Variants in ENTREP2 observed in about 807,000 individuals in gnomAD.
ENTREP2 encodes endosomal transmembrane epsin interactor 2.
the ENTREP2 span, chr15:29,252,415 A>G: frequency 6.4e-7 from 1 of 1,551,214 alleles, no homozygotes; most frequent in East Asian, 2.4e-5. Flanking sequence ...TTCTGACAAG[A>G]GAGAATTGAA....
chr15:29,612,210 C>T, the ENTREP2 span, among the ~76,000 whole-genome samples: 1 of 152,124 alleles, frequency 6.6e-6, no homozygotes, highest in Non-Finnish European at 1.5e-5. Flanking sequence ...GAATACTGGG[C>T]TTTGTCCTTC....
the ENTREP2 span, among the ~76,000 whole-genome samples, chr15:29,161,241 C>T: frequency 3.3e-5 from 5 of 152,252 alleles, no homozygotes; most frequent in Admixed American, 1.3e-4. Flanking sequence ...AAGGAGGTAA[C>T]GTCTCCCCTA....
At chr15:29,248,258 T>C in the ENTREP2 span, among the ~76,000 whole-genome samples, 3 of 152,100 alleles carry the variant, frequency 2.0e-5, no homozygotes, top group African/African-American at 7.2e-5. Flanking sequence ...AAGCACACCA[T>C]AACCAGGAAG....
chr15:29,324,600 G>A, the ENTREP2 span, among the ~76,000 whole-genome samples: 3 of 152,124 alleles, frequency 2.0e-5, no homozygotes, highest in Non-Finnish European at 4.4e-5. Flanking sequence ...AAAGGAAGTT[G>A]GAGTACCAAT....
chr15:29,570,254 T>C, the ENTREP2 span, among the ~76,000 whole-genome samples: 1 of 150,362 alleles, frequency 6.7e-6, no homozygotes, highest in Non-Finnish European at 1.5e-5. Context: ...CTGGCTGCTG[T>C]TTCCTCCAAG....
the ENTREP2 span, among the ~76,000 whole-genome samples, chr15:29,543,786 A>T: frequency 6.6e-6 from 1 of 151,774 alleles, no homozygotes; most frequent in Non-Finnish European, 1.5e-5. Context: ...CTCAAAAAAA[A>T]AAAAAATCCC....
the ENTREP2 span, among the ~76,000 whole-genome samples, chr15:29,250,049 G>A: frequency 1.3e-5 from 2 of 152,102 alleles, no homozygotes. Context: ...TCACCTCCCA[G>A]CAGTCTCCAC....
the ENTREP2 span, among the ~76,000 whole-genome samples, chr15:29,318,679 G>C: frequency 6.6e-6 from 1 of 152,148 alleles, no homozygotes; most frequent in Non-Finnish European, 1.5e-5. Flanking sequence ...CTAGACTACA[G>C]CTTAGTGTAA....
chr15:29,321,460 C>A, the ENTREP2 span, among the ~76,000 whole-genome samples: 1,781 of 152,026 alleles, frequency 0.012, 42 homozygotes, highest in African/African-American at 0.041. Flanking sequence ...CCAGCCTGGC[C>A]AAGATGGTGG....
the ENTREP2 span, among the ~76,000 whole-genome samples, chr15:29,137,621 G>A: frequency 7.9e-5 from 12 of 152,202 alleles, no homozygotes; most frequent in South Asian, 2.1e-4. Context: ...GATCACCTGT[G>A]ATCAGGATTT....
chr15:29,196,921 A>G, the ENTREP2 span, among the ~76,000 whole-genome samples: 3 of 152,196 alleles, frequency 2.0e-5, no homozygotes, highest in Non-Finnish European at 4.4e-5. Context: ...GCCTTGGCTC[A>G]TTCTCCTTCC....
chr15:29,132,813 C>T, the ENTREP2 span, among the ~76,000 whole-genome samples: 1 of 152,148 alleles, frequency 6.6e-6, no homozygotes, highest in Non-Finnish European at 1.5e-5. Context: ...AAGCCAGGGT[C>T]TGGGCTCCAC....
chr15:29,254,305 A>C, the ENTREP2 span, among the ~76,000 whole-genome samples: 1 of 152,136 alleles, frequency 6.6e-6, no homozygotes, highest in South Asian at 2.1e-4. Context: ...ATCAACTGAT[A>C]GTTGTATAAA....
chr15:29,169,293 TAAAC>T, the ENTREP2 span, among the ~76,000 whole-genome samples: 2 of 152,100 alleles, frequency 1.3e-5, no homozygotes, highest in Non-Finnish European at 2.9e-5. Context: ...ATGAAGAAAA[TAAAC>T]AAGCATTGTC....
At chr15:29,303,542 C>T in the ENTREP2 span, among the ~76,000 whole-genome samples, 37 of 151,956 alleles carry the variant, frequency 2.4e-4, no homozygotes, top group African/African-American at 8.5e-4. Flanking sequence ...TGTCATAGAG[C>T]TAAATGGCAT....
chr15:29,212,127 T>TTGAAA, the ENTREP2 span, among the ~76,000 whole-genome samples: 1 of 152,182 alleles, frequency 6.6e-6, no homozygotes, highest in Non-Finnish European at 1.5e-5. Context: ...TTGTTGGTAA[T>TTGAAA]TTTTAAATTG....
At chr15:29,620,331 T>A in the ENTREP2 span, among the ~76,000 whole-genome samples, 1 of 151,938 alleles carries the variant, frequency 6.6e-6, no homozygotes, top group South Asian at 2.1e-4. Context: ...CGGGGGGAAG[T>A]GGTTGCTGCA....
At chr15:29,307,723 C>T in the ENTREP2 span, among the ~76,000 whole-genome samples, 1 of 151,664 alleles carries the variant, frequency 6.6e-6, no homozygotes, top group South Asian at 2.1e-4. Flanking sequence ...GAGACAGAGA[C>T]CTCTCTCTCT....
the ENTREP2 span, among the ~76,000 whole-genome samples, chr15:29,210,148 C>T: frequency 4.7e-5 from 6 of 128,760 alleles, no homozygotes; most frequent in African/African-American, 1.8e-4. Flanking sequence ...ATCCACAGCC[C>T]ACACCTCGAA....
Sources: allele counts gnomAD v4.1 joint callset (sites outside exome capture counted in the v4.1 genomes callset), GRCh38; gene constraint gnomAD v4.1.1; transcripts MANE v1.5; gene names NCBI Gene and HGNC (gene_info 2026-07-23, HGNC 2026-07-21).